Variants in BABAM2 observed in about 807,000 individuals in gnomAD.
BABAM2 encodes the protein BRISC and BRCA1 A complex member 2.
A neutral mutation model predicts 54.7 loss-of-function variants in BABAM2; 31 were observed. That is an observed-to-expected ratio of 0.57 (90% CI 0.43 to 0.77). The LOEUF is 0.77. BABAM2 is among the 30% of genes least tolerant of loss of function. The pLI is 0.00. For missense variants in BABAM2, 364 were observed against 455.8 expected, an observed-to-expected ratio of 0.80 and a Z score of 1.83; for synonymous variants, 167 against 162.9, an observed-to-expected ratio of 1.03 and a Z score of -0.19.
intron 11 of BABAM2, chr2:28,310,198 G>A: frequency 6.3e-7 from 1 of 1,585,630 alleles, no homozygotes; most frequent in Non-Finnish European, 8.7e-7. Context: ...ATCTGTTGCA[G>A]TGAAATGATA....
At chr2:28,042,989 A>T (rs1677238578) in intron 5 of BABAM2, among the ~76,000 whole-genome samples, 1 of 151,828 alleles carries the variant, frequency 6.6e-6, no homozygotes, top group African/African-American at 2.4e-5. Flanking sequence ...GCGCCACTGC[A>T]CTCCAGCCTG....
intron 10 of BABAM2, among the ~76,000 whole-genome samples, chr2:28,283,657 A>G (rs1686566565): frequency 2.0e-5 from 3 of 152,214 alleles, no homozygotes; most frequent in African/African-American, 2.4e-5. Flanking sequence ...GAGTAACCTA[A>G]TAGCCTGGGC....
At chr2:28,207,079 G>A (rs1678924025) in intron 7 of BABAM2, among the ~76,000 whole-genome samples, 1 of 152,192 alleles carries the variant, frequency 6.6e-6, no homozygotes, top group African/African-American at 2.4e-5. Context: ...GAAGCCAGTC[G>A]TTCAGACTCC....
chr2:28,098,550 C>T (rs1407163135), intron 6 of BABAM2, among the ~76,000 whole-genome samples: 2 of 152,036 alleles, frequency 1.3e-5, no homozygotes, highest in East Asian at 3.9e-4. Context: ...AATTCTTGTT[C>T]CTCTCCAATA....
At chr2:27,955,574 T>C (rs1670025385) in intron 3 of BABAM2, among the ~76,000 whole-genome samples, 2 of 152,366 alleles carry the variant, frequency 1.3e-5, no homozygotes, top group South Asian at 4.1e-4. Flanking sequence ...ATATGTGCAT[T>C]AGTGGAAGTT....
At chr2:28,045,030 G>A (rs1169852444) in intron 5 of BABAM2, among the ~76,000 whole-genome samples, 1 of 151,380 alleles carries the variant, frequency 6.6e-6, no homozygotes, top group African/African-American at 2.4e-5. Flanking sequence ...AGGCTTTCCT[G>A]TCATAAAAAT....
At chr2:28,168,672 G>A (rs987652093) in intron 7 of BABAM2, among the ~76,000 whole-genome samples, 6 of 152,188 alleles carry the variant, frequency 3.9e-5, no homozygotes, top group East Asian at 1.9e-4. Context: ...GCTTCATTCC[G>A]ATCAGGTTTC....
intron 10 of BABAM2, among the ~76,000 whole-genome samples, chr2:28,282,400 T>C (rs1006078363): frequency 1.3e-5 from 2 of 152,154 alleles, no homozygotes; most frequent in African/African-American, 4.8e-5. Flanking sequence ...GAGATGTGCT[T>C]GCCTATAGCA....
At chr2:28,311,210 G>A (rs1184274315) in intron 11 of BABAM2, among the ~76,000 whole-genome samples, 3 of 144,234 alleles carry the variant, frequency 2.1e-5, no homozygotes, top group Non-Finnish European at 3.0e-5. Context: ...GCAGTGAGCC[G>A]AGATCGCGCC....
intron 7 of BABAM2, among the ~76,000 whole-genome samples, chr2:28,136,325 T>C (rs1670535052): frequency 6.6e-6 from 1 of 152,226 alleles, no homozygotes; most frequent in African/African-American, 2.4e-5. Flanking sequence ...TGTTTATGCC[T>C]CCTTTGTCAT....
At chr2:28,197,276 G>A (rs1052418244) in intron 7 of BABAM2, among the ~76,000 whole-genome samples, 6 of 152,160 alleles carry the variant, frequency 3.9e-5, no homozygotes, top group African/African-American at 1.2e-4. Context: ...CTTGAGCGCC[G>A]GCTGATACAT....
At chr2:28,105,919 A>G (rs1004841927) in intron 6 of BABAM2, among the ~76,000 whole-genome samples, 2 of 151,586 alleles carry the variant, frequency 1.3e-5, no homozygotes, top group African/African-American at 2.4e-5. Context: ...TGGGTTTCTA[A>G]TTTAAAATTC....
chr2:27,899,760 C>A (rs1185627841), intron 2 of BABAM2, among the ~76,000 whole-genome samples: 1 of 152,168 alleles, frequency 6.6e-6, no homozygotes, highest in Non-Finnish European at 1.5e-5. Context: ...AGCCACTGTG[C>A]CTGGCCTAGT....
At chr2:28,183,300 G>A (rs1251362383) in intron 7 of BABAM2, among the ~76,000 whole-genome samples, 1 of 152,066 alleles carries the variant, frequency 6.6e-6, no homozygotes, top group Admixed American at 6.5e-5. Context: ...AATTAGCTGG[G>A]CATGGTGGTG....
At chr2:27,992,131 T>A (rs1334428378) in intron 4 of BABAM2, among the ~76,000 whole-genome samples, 1 of 152,220 alleles carries the variant, frequency 6.6e-6, no homozygotes, top group Non-Finnish European at 1.5e-5. Context: ...TTTTGATGGC[T>A]GGTGATACTG....
At chr2:27,953,779 A>C (rs549134000) in intron 3 of BABAM2, among the ~76,000 whole-genome samples, 1 of 152,320 alleles carries the variant, frequency 6.6e-6, no homozygotes, top group Admixed American at 6.5e-5. Flanking sequence ...TAAACAATGA[A>C]AAATATGGCA....
At chr2:27,917,415 G>T (rs1174267996) in intron 2 of BABAM2, among the ~76,000 whole-genome samples, 1 of 152,120 alleles carries the variant, frequency 6.6e-6, no homozygotes, top group Non-Finnish European at 1.5e-5. Context: ...GAAGTTTATT[G>T]CTCACAGTTC....
In BABAM2 at chr2:27,913,644, C is replaced by T. The variant is rs542725724; in HGVS notation, c.129-16188C>T. 2.4e-4 allele frequency among the ~76,000 whole-genome samples: 36 copies of T among 151,976 alleles called. No individual in the cohort carries two copies. The East Asian group carries it at 6.0e-3, about 25-fold the overall frequency. On this transcript the variant is annotated intron_variant, in intron 2 of 11. Transcript: ENST00000379624. ...CTTTTGGGTAAGGAGAGAATTTACACGTATATTTTATACGTATAAAATGCA... is the reference window on the plus strand; with the variant it reads ...CTTTTGGGTAAGGAGAGAATTTACATGTATATTTTATACGTATAAAATGCA...
intron 2 of BABAM2, chr2:27,896,740 T>C (rs1378499471): frequency 9.4e-6 from 2 of 211,984 alleles, no homozygotes; most frequent in South Asian, 1.2e-4. Flanking sequence ...CACCATATTT[T>C]CCTCTTCACT....
Sources: allele counts gnomAD v4.1 joint callset (sites outside exome capture counted in the v4.1 genomes callset), GRCh38; gene constraint gnomAD v4.1.1; transcripts MANE v1.5; gene names NCBI Gene and HGNC (gene_info 2026-07-23, HGNC 2026-07-21).